The following OSBPL10 variants were observed in gnomAD, a reference collection of about 807,000 sequenced individuals.
OSBPL10 encodes oxysterol-binding protein-related protein 10.
In OSBPL10, 49 loss-of-function variants were observed where a neutral mutation model predicts 81.7. The ratio of observed to expected loss-of-function variants is 0.60; its 90% CI spans 0.48 to 0.76. The LOEUF is 0.76. Among genes scored for constraint, OSBPL10 ranks in the 30% least tolerant of loss-of-function variants. OSBPL10 has a pLI of 0.00. For synonymous variants in OSBPL10, 419 were observed against 383.6 expected (o/e 1.09, Z -1.08); for missense variants, 923 against 987.8 (o/e 0.93, Z 0.88).
intron 1 of OSBPL10, among the ~76,000 whole-genome samples, chr3:31,909,981 CCTT>C (rs1335530598): frequency 7.1e-6 from 1 of 141,126 alleles, no homozygotes; most frequent in African/African-American, 2.8e-5. Flanking sequence ...TGTCTCCTGG[CCTT>C]TTTTTTTTTT....
At chr3:31,736,259 CAT>C (rs1208731221) in intron 5 of OSBPL10, among the ~76,000 whole-genome samples, 1 of 152,056 alleles carries the variant, frequency 6.6e-6, no homozygotes, top group African/African-American at 2.4e-5. Context: ...GAGATGTACA[CAT>C]AAAAATGGTC....
At chr3:31,962,920 G>T (rs1698207746) in intron 1 of OSBPL10, among the ~76,000 whole-genome samples, 1 of 152,324 alleles carries the variant, frequency 6.6e-6, no homozygotes, top group Middle Eastern at 3.4e-3. Flanking sequence ...CCTGGATCTT[G>T]CAATACAATG....
intron 6 of OSBPL10, among the ~76,000 whole-genome samples, chr3:31,726,043 T>C (rs1408821346): frequency 6.6e-6 from 1 of 152,106 alleles, no homozygotes; most frequent in African/African-American, 2.4e-5. Flanking sequence ...TACATCGGGG[T>C]ATAGCAGACA....
intron 5 of OSBPL10, among the ~76,000 whole-genome samples, chr3:31,742,137 G>A (rs1356959162): frequency 6.6e-6 from 1 of 152,228 alleles, no homozygotes; most frequent in Non-Finnish European, 1.5e-5. Context: ...TTCACCAAAA[G>A]CAGTAGGTGT....
At chr3:31,797,668 G>C (rs1271685600) in intron 4 of OSBPL10, 7 of 372,854 alleles carry the variant, frequency 1.9e-5, no homozygotes, top group Admixed American at 6.0e-5. Flanking sequence ...CATAAAAGAG[G>C]GTACATTAAA....
intron 1 of OSBPL10, among the ~76,000 whole-genome samples, chr3:32,055,596 T>A (rs536368912): frequency 2.0e-4 from 30 of 152,346 alleles, no homozygotes; most frequent in Non-Finnish European, 3.2e-4. Context: ...AGTATTCTTA[T>A]CAATATAGTT....
intron 2 of OSBPL10, among the ~76,000 whole-genome samples, chr3:32,037,096 G>A (rs1183047906): frequency 6.6e-6 from 1 of 152,160 alleles, no homozygotes; most frequent in East Asian, 1.9e-4. Context: ...GGGCATCTTG[G>A]GAGATGAGTA....
intron 3 of OSBPL10, among the ~76,000 whole-genome samples, chr3:31,855,671 C>T (rs967767097): frequency 1.3e-5 from 2 of 152,136 alleles, no homozygotes; most frequent in Non-Finnish European, 2.9e-5. Flanking sequence ...CATCTACTTG[C>T]AGTGTTTGTT....
chr3:31,662,011 T>C lies in OSBPL10; in HGVS notation c.*61A>G, dbSNP rs1700082296. On this transcript the variant is annotated 3_prime_UTR_variant, in exon 12 of 12. Coordinates refer to ENST00000396556, the MANE Select transcript of OSBPL10 (RefSeq NM_017784.5). ...GAATGCCAACAAAACCCTGATACTC[T>C]ACTACTTTAATATTCCTACAAAAAC... The C allele has an allele frequency of 1.9e-6, 3 of 1,597,168 alleles. No individual in the cohort carries two copies. Among genetic ancestry groups the C allele is most frequent in the South Asian group, 2.3e-5 (2 of 87,980 alleles).
chr3:31,789,665 G>A (rs1344412457), intron 4 of OSBPL10, among the ~76,000 whole-genome samples: 8 of 152,220 alleles, frequency 5.3e-5, no homozygotes, highest in Non-Finnish European at 1.0e-4. Flanking sequence ...AGCAGATCAG[G>A]ATGGAGCTGC....
intron 10 of OSBPL10, 138 bp downstream of exon 10, chr3:31,668,504 A>T: frequency 1.3e-6 from 1 of 757,470 alleles, no homozygotes; most frequent in Non-Finnish European, 2.0e-6. Flanking sequence ...GAAAATTAAA[A>T]TATCTAAAGA....
intron 1 of OSBPL10, among the ~76,000 whole-genome samples, chr3:31,930,875 G>A (rs889526833): frequency 5.3e-5 from 8 of 151,520 alleles, no homozygotes; most frequent in African/African-American, 1.7e-4. Flanking sequence ...TTAGCTGGGC[G>A]TGGTGGCAGG....
At chr3:32,024,230 A>T in intron 2 of OSBPL10, among the ~76,000 whole-genome samples, 1 of 151,706 alleles carries the variant, frequency 6.6e-6, no homozygotes, top group Non-Finnish European at 1.5e-5. Flanking sequence ...TCAGCTTATC[A>T]ATTGCTACAA....
chr3:31,829,076 C>T (rs995658003), intron 4 of OSBPL10, among the ~76,000 whole-genome samples: 2 of 152,150 alleles, frequency 1.3e-5, no homozygotes, highest in South Asian at 2.1e-4. Flanking sequence ...CACTACCTGG[C>T]TTGTGACATT....
intron 4 of OSBPL10, among the ~76,000 whole-genome samples, chr3:31,757,533 G>A (rs763160388): frequency 6.6e-6 from 1 of 152,188 alleles, no homozygotes; most frequent in Non-Finnish European, 1.5e-5. Context: ...GTGAGACAAT[G>A]AATTTCTGTT....
At chr3:31,914,792 T>C (rs544870656) in intron 1 of OSBPL10, among the ~76,000 whole-genome samples, 18 of 152,326 alleles carry the variant, frequency 1.2e-4, no homozygotes, top group African/African-American at 3.6e-4. Flanking sequence ...CCCTCAGTCA[T>C]GCTGATCACA....
chr3:31,849,002 G>A (rs1700698982), intron 3 of OSBPL10, among the ~76,000 whole-genome samples: 1 of 152,184 alleles, frequency 6.6e-6, no homozygotes, highest in Non-Finnish European at 1.5e-5. Flanking sequence ...AATCTGGCTG[G>A]CTGTGTCATT....
upstream of OSBPL10, among the ~76,000 whole-genome samples, chr3:31,984,409 T>C (rs1575077714): frequency 1.3e-5 from 2 of 151,524 alleles, no homozygotes; most frequent in Non-Finnish European, 1.5e-5. Flanking sequence ...AGCTGATAGA[T>C]TGGGTGAGGG....
intron 4 of OSBPL10, among the ~76,000 whole-genome samples, chr3:31,752,490 A>T (rs1186272492): frequency 6.6e-6 from 1 of 152,238 alleles, no homozygotes; most frequent in Admixed American, 6.5e-5. Context: ...CTTCACAGAT[A>T]AGAAACTTGT....
Sources: allele counts gnomAD v4.1 joint callset (sites outside exome capture counted in the v4.1 genomes callset), GRCh38; gene constraint gnomAD v4.1.1; transcripts MANE v1.5; gene names NCBI Gene and HGNC (gene_info 2026-07-23, HGNC 2026-07-21).